The following CCDC60 variants were observed in gnomAD, a reference collection of about 807,000 sequenced individuals.
CCDC60 encodes coiled-coil domain containing 60.
In CCDC60, 54 loss-of-function variants were observed where a neutral mutation model predicts 63.5. The ratio of observed to expected loss-of-function variants is 0.85; its 90% CI spans 0.68 to 1.07. CCDC60 has a LOEUF of 1.07. Among genes scored for constraint, CCDC60 ranks in the 50% least tolerant of loss-of-function variants. The probability of loss-of-function intolerance (pLI) is 0.00; values close to 1 mark genes in which losing one functional copy is unlikely to be tolerated. For missense variants in CCDC60, 651 were observed against 684.3 expected, an observed-to-expected ratio of 0.95 and a Z score of 0.54; for synonymous variants, 206 against 238.8, an observed-to-expected ratio of 0.86 and a Z score of 1.27.
intron 5 of CCDC60, among the ~76,000 whole-genome samples, chr12:119,492,203 T>C (rs1951605466): frequency 6.6e-6 from 1 of 152,210 alleles, no homozygotes; most frequent in Admixed American, 6.5e-5. Flanking sequence ...CATTTTAGTT[T>C]AGGGTCAATG....
Position 119,500,812 on chromosome 12 carries a change from C to G in CCDC60, c.648+644C>G, listed in dbSNP as rs570136627. Among the ~76,000 whole-genome samples, 30 of 152,298 alleles carry G rather than the reference C, an allele frequency of 2.0e-4. No homozygotes were observed. The South Asian group carries it at 3.3e-3, about 17-fold the overall frequency. ...GAGGCTGCAGTGAGCTATGATCCCA[C>G]CACTGCACTCCAGCCTCCCACCTGG... On this transcript the variant is annotated intron_variant, in intron 6 of 13. Coordinates refer to ENST00000327554, the MANE Select transcript of CCDC60 (RefSeq NM_178499.5).
chr12:119,385,534 C>T (rs1040093247), intron 1 of CCDC60, among the ~76,000 whole-genome samples: 6 of 152,238 alleles, frequency 3.9e-5, no homozygotes, highest in African/African-American at 1.4e-4. Context: ...CCACGTAAGA[C>T]GTGCCTTTTG....
At chr12:119,529,136 A>C (rs189564923) in intron 12 of CCDC60, among the ~76,000 whole-genome samples, 179 of 152,324 alleles carry the variant, frequency 1.2e-3, no homozygotes, top group Non-Finnish European at 1.9e-3. Context: ...ATCCCTAAAA[A>C]GTGCAAAACC....
At chr12:119,371,863 G>C (rs143398460) in intron 1 of CCDC60, among the ~76,000 whole-genome samples, 1 of 152,282 alleles carries the variant, frequency 6.6e-6, no homozygotes, top group East Asian at 1.9e-4. Flanking sequence ...TATTAAAAGG[G>C]GCTTGTGCTG....
intron 1 of CCDC60, among the ~76,000 whole-genome samples, chr12:119,367,435 A>G (rs1197666970): frequency 2.6e-5 from 4 of 152,172 alleles, no homozygotes; most frequent in African/African-American, 4.8e-5. Context: ...TATATCCTCC[A>G]AGTCCCCCAA....
intron 3 of CCDC60, among the ~76,000 whole-genome samples, chr12:119,477,302 C>G (rs552026386): frequency 6.6e-6 from 1 of 152,210 alleles, no homozygotes; most frequent in Non-Finnish European, 1.5e-5. Context: ...ATAGACCTAC[C>G]TCTCGATTGG....
intron 1 of CCDC60, among the ~76,000 whole-genome samples, chr12:119,391,146 A>T (rs899181894): frequency 6.6e-6 from 1 of 152,226 alleles, no homozygotes; most frequent in Non-Finnish European, 1.5e-5. Flanking sequence ...CAGAAAATGG[A>T]CTGTTACCCA....
intron 3 of CCDC60, among the ~76,000 whole-genome samples, chr12:119,477,277 CAG>C (rs1951195776): frequency 6.6e-6 from 1 of 152,206 alleles, no homozygotes; most frequent in Admixed American, 6.5e-5. Context: ...CAGCTGGTCA[CAG>C]AGCCAAATGA....
chr12:119,494,367 G>A (rs1043226939), intron 5 of CCDC60, among the ~76,000 whole-genome samples: 6 of 152,140 alleles, frequency 3.9e-5, no homozygotes, highest in Admixed American at 3.9e-4. Context: ...ACACCTCAAA[G>A]GAGTTGTTCC....
chr12:119,480,336 C>T (rs192217978), intron 4 of CCDC60, among the ~76,000 whole-genome samples: 2 of 152,222 alleles, frequency 1.3e-5, no homozygotes, highest in Admixed American at 6.5e-5. Context: ...TGAGTCAGGT[C>T]GGTCTGACTG....
chr12:119,412,764 C>A (rs1956626530), intron 1 of CCDC60, among the ~76,000 whole-genome samples: 1 of 47,720 alleles, frequency 2.1e-5, no homozygotes. Flanking sequence ...AAGCCCCCCA[C>A]CCCCCCCCAC....
intron 1 of CCDC60, among the ~76,000 whole-genome samples, chr12:119,383,881 A>G (rs1956033546): frequency 6.6e-6 from 1 of 152,124 alleles, no homozygotes; most frequent in Non-Finnish European, 1.5e-5. Flanking sequence ...TCTTTGTAAT[A>G]TCTCTGCCTA....
At chr12:119,395,912 A>G (rs1593022007) in intron 1 of CCDC60, among the ~76,000 whole-genome samples, 1 of 150,364 alleles carries the variant, frequency 6.7e-6, no homozygotes, top group African/African-American at 2.4e-5. Flanking sequence ...CCATCTTCAC[A>G]TGGCATTCTC....
chr12:119,457,122 C>T (rs1027602532), intron 2 of CCDC60, among the ~76,000 whole-genome samples: 21 of 152,184 alleles, frequency 1.4e-4, no homozygotes, highest in African/African-American at 4.3e-4. Flanking sequence ...TACCCTTAGC[C>T]AAAGAAACAC....
At chr12:119,524,716 CTTTTCTTTTTTTT>C (rs1392737891) in intron 11 of CCDC60, among the ~76,000 whole-genome samples, 1 of 90,594 alleles carries the variant, frequency 1.1e-5, no homozygotes, top group Non-Finnish European at 2.1e-5. Context: ...CTTTTCTTTT[CTTTTCTTTTTTTT>C]TTTTTTTTTT....
intron 12 of CCDC60, among the ~76,000 whole-genome samples, chr12:119,529,633 T>A (rs1952783387): frequency 6.6e-6 from 1 of 152,158 alleles, no homozygotes; most frequent in South Asian, 2.1e-4. Context: ...TGTTGGAACT[T>A]CTACACATCC....
intron 6 of CCDC60, among the ~76,000 whole-genome samples, 174 bp downstream of exon 6, chr12:119,500,342 A>T (rs556980923): frequency 2.6e-5 from 4 of 152,254 alleles, no homozygotes; most frequent in Admixed American, 6.5e-5. Context: ...TAATTAAAAC[A>T]GTTATCTAGG....
intron 7 of CCDC60, among the ~76,000 whole-genome samples, chr12:119,510,518 T>C (rs1952187075): frequency 6.6e-6 from 1 of 152,212 alleles, no homozygotes; most frequent in Non-Finnish European, 1.5e-5. Context: ...TATTGAATTA[T>C]TAATTTTAAC....
intron 2 of CCDC60, among the ~76,000 whole-genome samples, chr12:119,452,911 C>T (rs1043612012): frequency 6.6e-6 from 1 of 152,136 alleles, no homozygotes; most frequent in Non-Finnish European, 1.5e-5. Flanking sequence ...CCACCTCCAC[C>T]TCCCTGGTTC....
Sources: allele counts gnomAD v4.1 joint callset (sites outside exome capture counted in the v4.1 genomes callset), GRCh38; gene constraint gnomAD v4.1.1; transcripts MANE v1.5; gene names NCBI Gene and HGNC (gene_info 2026-07-23, HGNC 2026-07-21).